The following PRR16 variants were observed in gnomAD, a reference collection of about 807,000 sequenced individuals.
The protein encoded by PRR16 is proline rich 16, also known as protein Largen.
Under a neutral mutation model 18.2 loss-of-function variants are expected in PRR16, and 6 were observed. The observed-to-expected ratio is 0.33, with a 90% CI of 0.18 to 0.65. The LOEUF (loss-of-function observed/expected upper bound fraction) is 0.65. PRR16 is among the 30% of genes least tolerant of loss of function. The pLI is 0.74. For missense variants in PRR16, 412 were observed against 376.6 expected (o/e 1.09, Z -0.78); for synonymous variants, 151 against 147.8 (o/e 1.02, Z -0.16).
chr5:120,527,587 G>A lies in PRR16; in HGVS notation c.159+62942G>A, dbSNP rs373816659. Reference sequence around the variant, plus strand: ...GAGTGAGAAGTATAGCTGTAATAGTGTCTGAACATATTTAGATGTAGAGTG... The same window carrying A: ...GAGTGAGAAGTATAGCTGTAATAGTATCTGAACATATTTAGATGTAGAGTG... On this transcript the variant is annotated intron_variant, in intron 1 of 1. Coordinates refer to ENST00000407149, the MANE Select transcript of PRR16 (RefSeq NM_001300783.2). Among the ~76,000 whole-genome samples, 68 of 152,326 alleles carry A rather than the reference G, an allele frequency of 4.5e-4. 1 individual carries two copies. In the East Asian group the frequency reaches 9.6e-3, roughly 22 times the overall value.
chr5:120,739,873 C>T, the PRR16 span, among the ~76,000 whole-genome samples: 2 of 151,588 alleles, frequency 1.3e-5, no homozygotes. Context: ...AGCGATTTTT[C>T]AGTAAGCTTC....
At chr5:120,589,000 A>G (rs986958555) in intron 1 of PRR16, among the ~76,000 whole-genome samples, 1 of 152,060 alleles carries the variant, frequency 6.6e-6, no homozygotes, top group African/African-American at 2.4e-5. Flanking sequence ...CCTGGATTAG[A>G]ATCTTGCCTC....
At chr5:120,782,505 TC>T in the PRR16 span, among the ~76,000 whole-genome samples, 10 of 152,138 alleles carry the variant, frequency 6.6e-5, no homozygotes, top group African/African-American at 1.9e-4. Context: ...GTTCCACATT[TC>T]CCTGGATAAG....
intron 1 of PRR16, among the ~76,000 whole-genome samples, chr5:120,589,990 T>C (rs929160091): frequency 9.2e-5 from 14 of 152,138 alleles, no homozygotes; most frequent in African/African-American, 3.4e-4. Context: ...TTTCCTTCCC[T>C]ACTCAAAAGA....
the PRR16 span, chr5:120,789,862 G>A: frequency 6.6e-6 from 1 of 151,896 alleles, no homozygotes; most frequent in Non-Finnish European, 1.5e-5. Flanking sequence ...GCAAATGATT[G>A]CTTCATTTTT....
At chr5:120,605,169 T>C (rs1448850373) in intron 1 of PRR16, among the ~76,000 whole-genome samples, 1 of 152,210 alleles carries the variant, frequency 6.6e-6, no homozygotes, top group African/African-American at 2.4e-5. Flanking sequence ...TTTCTCCATC[T>C]CTTTCAGGAA....
chr5:120,660,417 C>T (rs975014888), intron 1 of PRR16, among the ~76,000 whole-genome samples: 68 of 152,172 alleles, frequency 4.5e-4, no homozygotes, highest in African/African-American at 1.5e-3. Flanking sequence ...AATAATCTCA[C>T]ATATTATAGA....
intron 1 of PRR16, among the ~76,000 whole-genome samples, chr5:120,661,682 A>G (rs1266236025): frequency 6.6e-6 from 1 of 152,000 alleles, no homozygotes; most frequent in Non-Finnish European, 1.5e-5. Flanking sequence ...ACTGTCCTCC[A>G]GAACACTCTA....
chr5:120,752,215 A>G, the PRR16 span, among the ~76,000 whole-genome samples: 3 of 152,084 alleles, frequency 2.0e-5, no homozygotes, highest in Admixed American at 6.6e-5. Context: ...ACTCCAGGGA[A>G]ATATATTTTC....
chr5:120,565,492 G>T (rs1287856115), intron 1 of PRR16, among the ~76,000 whole-genome samples: 1 of 152,120 alleles, frequency 6.6e-6, no homozygotes, highest in East Asian at 1.9e-4. Flanking sequence ...TTCAGCACTA[G>T]AATTTTCAAA....
At chr5:120,511,028 G>A (rs998800505) in intron 1 of PRR16, among the ~76,000 whole-genome samples, 6 of 152,144 alleles carry the variant, frequency 3.9e-5, no homozygotes, top group African/African-American at 1.2e-4. Flanking sequence ...CATACTGAAT[G>A]TGGATCTGTC....
intron 1 of PRR16, among the ~76,000 whole-genome samples, chr5:120,557,378 A>G (rs533567898): frequency 1.3e-5 from 2 of 152,034 alleles, no homozygotes; most frequent in South Asian, 2.1e-4. Context: ...GCATATATCT[A>G]TATAATACAT....
chr5:120,777,484 A>G, the PRR16 span, among the ~76,000 whole-genome samples: 1 of 152,084 alleles, frequency 6.6e-6, no homozygotes, highest in Non-Finnish European at 1.5e-5. Flanking sequence ...TCACGTGAAT[A>G]AGTTCCCCAC....
At chr5:120,747,885 C>G in the PRR16 span, among the ~76,000 whole-genome samples, 1 of 152,100 alleles carries the variant, frequency 6.6e-6, no homozygotes, top group South Asian at 2.1e-4. Flanking sequence ...AACAATTATG[C>G]GTACTCTTAG....
intron 1 of PRR16, among the ~76,000 whole-genome samples, chr5:120,673,413 T>C (rs1756682336): frequency 6.6e-6 from 1 of 152,222 alleles, no homozygotes; most frequent in Non-Finnish European, 1.5e-5. Flanking sequence ...TCTTATTTTA[T>C]GGGTCTTTAA....
intron 1 of PRR16, among the ~76,000 whole-genome samples, chr5:120,674,565 T>G (rs1341086425): frequency 2.6e-5 from 4 of 152,148 alleles, no homozygotes; most frequent in Admixed American, 1.3e-4. Context: ...ATCATGTGAT[T>G]TGTATTTTTT....
intron 1 of PRR16, among the ~76,000 whole-genome samples, chr5:120,537,277 A>G (rs1004871815): frequency 6.6e-6 from 1 of 152,262 alleles, no homozygotes; most frequent in Non-Finnish European, 1.5e-5. Flanking sequence ...AATTACAAGT[A>G]TATTCGTTTT....
intron 1 of PRR16, among the ~76,000 whole-genome samples, chr5:120,552,292 T>G (rs1373628867): frequency 6.6e-6 from 1 of 151,958 alleles, no homozygotes; most frequent in Non-Finnish European, 1.5e-5. Flanking sequence ...CTCCAGTGAT[T>G]GCACTGGGAA....
chr5:120,773,451 G>T, the PRR16 span, among the ~76,000 whole-genome samples: 1 of 152,058 alleles, frequency 6.6e-6, no homozygotes, highest in African/African-American at 2.4e-5. Context: ...AGTAGTAGGA[G>T]GAATGGAAGA....
Sources: allele counts gnomAD v4.1 joint callset (sites outside exome capture counted in the v4.1 genomes callset), GRCh38; gene constraint gnomAD v4.1.1; transcripts MANE v1.5; gene names NCBI Gene and HGNC (gene_info 2026-07-23, HGNC 2026-07-21).